The following PAK5 variants were observed in gnomAD, a reference collection of about 807,000 sequenced individuals.
The protein encoded by PAK5 is serine/threonine-protein kinase PAK 5.
A neutral mutation model predicts 65.9 loss-of-function variants in PAK5; 16 were observed. That is an observed-to-expected ratio of 0.24 (90% CI 0.16 to 0.37). The LOEUF is 0.37. PAK5 is among the 10% of genes least tolerant of loss of function. PAK5 has a pLI of 1.00. For missense variants in PAK5, 785 were observed against 903.9 expected (o/e 0.87, Z 1.69); for synonymous variants, 371 against 354.9 (o/e 1.05, Z -0.51).
At chr20:9,719,756 C>T (rs922873837) in intron 1 of PAK5, among the ~76,000 whole-genome samples, 6 of 152,136 alleles carry the variant, frequency 3.9e-5, no homozygotes, top group East Asian at 3.8e-4. Context: ...TGGGCTTCCT[C>T]ATCCTAAAAC....
chr20:9,786,311 A>G (rs1283603882), intron 1 of PAK5, among the ~76,000 whole-genome samples: 1 of 152,076 alleles, frequency 6.6e-6, no homozygotes, highest in Non-Finnish European at 1.5e-5. Flanking sequence ...AGTTCACAGT[A>G]TCTTCCATAC....
intron 1 of PAK5, among the ~76,000 whole-genome samples, chr20:9,777,998 G>A (rs1363122826): frequency 6.6e-6 from 1 of 152,198 alleles, no homozygotes; most frequent in African/African-American, 2.4e-5. Flanking sequence ...GAAATGCCTG[G>A]CTGGTACTCT....
intron 2 of PAK5, among the ~76,000 whole-genome samples, chr20:9,653,876 T>A (rs142762791): frequency 1.5e-4 from 23 of 152,248 alleles, no homozygotes; most frequent in African/African-American, 5.3e-4. Flanking sequence ...CTTCTAGAAG[T>A]CACTTGTATT....
chr20:9,714,045 T>C (rs754908444), intron 1 of PAK5, among the ~76,000 whole-genome samples: 1 of 152,122 alleles, frequency 6.6e-6, no homozygotes, highest in African/African-American at 2.4e-5. Flanking sequence ...GGTAAATGTT[T>C]GAGGTGATGG....
rs569977775 is a variant in PAK5 at position 9,634,725 on chromosome 20, G to A, written c.204+9400C>T. Among the ~76,000 whole-genome samples, 170 of 152,110 alleles carry A rather than the reference G, an allele frequency of 1.1e-3. 1 individual carries two copies. Among genetic ancestry groups the A allele is most frequent in the African/African-American group, 3.9e-3 (163 of 41,468 alleles). Reference sequence around the variant, plus strand: ...GGTTTTGGATTTCTTCTTTTATTTGGAAACAAGATTACCTTGCCCACATCT... The same window carrying A: ...GGTTTTGGATTTCTTCTTTTATTTGAAAACAAGATTACCTTGCCCACATCT... On this transcript the variant is annotated intron_variant, in intron 3 of 9. Transcript: ENST00000353224.
At chr20:9,682,069 T>A (rs2047656961) in intron 2 of PAK5, among the ~76,000 whole-genome samples, 1 of 152,138 alleles carries the variant, frequency 6.6e-6, no homozygotes, top group Admixed American at 6.5e-5. Context: ...AGAAAGCTAC[T>A]AGGGCGGGCT....
At chr20:9,821,202 G>A (rs2049416521) in intron 1 of PAK5, among the ~76,000 whole-genome samples, 1 of 152,040 alleles carries the variant, frequency 6.6e-6, no homozygotes, top group Non-Finnish European at 1.5e-5. Flanking sequence ...CCAACATGGT[G>A]AAACCCCATC....
In PAK5 at chr20:9,545,924, TA is replaced by T. The variant is rs796394756; in HGVS notation, c.1744-1431del. Among the ~76,000 whole-genome samples the T allele has an allele frequency of 4.4e-3, 646 of 146,502 alleles. 4 individuals are homozygous for T. Among genetic ancestry groups the T allele is most frequent in the African/African-American group, 0.015 (590 of 40,162 alleles). ...CACCCCAAGTCTTCCTGGTTAGAGT[TA>T]AAAAAAAAAACTATCTCTGTGGCTT... On this transcript the variant is annotated intron_variant, in intron 7 of 9. Transcript: ENST00000353224.
At chr20:9,625,248 C>G (rs2046827437) in intron 3 of PAK5, among the ~76,000 whole-genome samples, 1 of 152,212 alleles carries the variant, frequency 6.6e-6, no homozygotes, top group Non-Finnish European at 1.5e-5. Context: ...TATTTGATAA[C>G]TCCTTCATCC....
intron 6 of PAK5, among the ~76,000 whole-genome samples, chr20:9,558,850 T>C (rs1437497302): frequency 6.6e-6 from 1 of 152,214 alleles, no homozygotes; most frequent in Non-Finnish European, 1.5e-5. Flanking sequence ...ATCTCATGAC[T>C]GCACCCCTGT....
chr20:9,705,090 G>A (rs1380069409), intron 2 of PAK5, among the ~76,000 whole-genome samples: 3 of 152,208 alleles, frequency 2.0e-5, no homozygotes, highest in African/African-American at 7.2e-5. Flanking sequence ...TAAAGGCCAA[G>A]CGTGCTGCTA....
intron 2 of PAK5, among the ~76,000 whole-genome samples, chr20:9,685,433 C>G (rs1274105597): frequency 6.6e-6 from 1 of 152,134 alleles, no homozygotes; most frequent in Non-Finnish European, 1.5e-5. Flanking sequence ...CACGGATATA[C>G]ACAGGGAGAA....
At chr20:9,770,900 T>A (rs2048825566) in intron 1 of PAK5, among the ~76,000 whole-genome samples, 1 of 152,150 alleles carries the variant, frequency 6.6e-6, no homozygotes, top group South Asian at 2.1e-4. Context: ...ACTCTATTGT[T>A]CATGGCTGCC....
At chr20:9,830,513 T>C (rs949261017) in intron 1 of PAK5, among the ~76,000 whole-genome samples, 12 of 152,204 alleles carry the variant, frequency 7.9e-5, no homozygotes, top group African/African-American at 2.9e-4. Context: ...GCTTGCTGAA[T>C]GTAAGATCAT....
chr20:9,727,928 A>G (rs1304862466), intron 1 of PAK5, among the ~76,000 whole-genome samples: 1 of 152,110 alleles, frequency 6.6e-6, no homozygotes, highest in Non-Finnish European at 1.5e-5. Context: ...CATGGACTCA[A>G]TCACTTCTTC....
At position 9,545,317 on chromosome 20, in the gene PAK5, T is replaced by C. The variant is rs114003471; in HGVS notation, c.1744-823A>G. 4.4e-3 allele frequency among the ~76,000 whole-genome samples: 663 copies of C among 152,286 alleles called. 6 individuals carry two copies. Among genetic ancestry groups the C allele is most frequent in the African/African-American group, 0.015 (632 of 41,546 alleles). The stretch of plus-strand genomic sequence containing the variant: ...GTTAGGCACCCTGCTGGTTTATGAA[T>C]TCTAGATGACCGGGATTCAGTTTAT... On this transcript the variant is annotated intron_variant, in intron 7 of 9. Coordinates refer to ENST00000353224, the MANE Select transcript of PAK5 (RefSeq NM_177990.4).
At chr20:9,801,426 AT>A (rs1386016502) in intron 1 of PAK5, among the ~76,000 whole-genome samples, 1 of 151,420 alleles carries the variant, frequency 6.6e-6, no homozygotes, top group African/African-American at 2.4e-5. Flanking sequence ...TTGTCTAGAA[AT>A]TTGCTTTGCT....
At chr20:9,708,080 A>G (rs987666028) in intron 2 of PAK5, among the ~76,000 whole-genome samples, 19 of 152,212 alleles carry the variant, frequency 1.2e-4, no homozygotes, top group African/African-American at 3.9e-4. Context: ...TTTCTCTTCC[A>G]TAAACATAGA....
chr20:9,835,578 T>C (rs1979083636), intron 1 of PAK5, among the ~76,000 whole-genome samples: 1 of 152,118 alleles, frequency 6.6e-6, no homozygotes, highest in Non-Finnish European at 1.5e-5. Flanking sequence ...GATGAAGGAT[T>C]AGAAGAGCCA....
Sources: allele counts gnomAD v4.1 joint callset (sites outside exome capture counted in the v4.1 genomes callset), GRCh38; gene constraint gnomAD v4.1.1; transcripts MANE v1.5; gene names NCBI Gene and HGNC (gene_info 2026-07-23, HGNC 2026-07-21).